The following FGF1 variants were observed in gnomAD, a reference collection of about 807,000 sequenced individuals.
The protein encoded by FGF1 is beta-endothelial cell growth factor.
In FGF1, 9 loss-of-function variants were observed where a neutral mutation model predicts 13.4. The ratio of observed to expected loss-of-function variants is 0.67; its 90% CI spans 0.40 to 1.17. FGF1 has a LOEUF of 1.17. FGF1 is among the 50% of genes most tolerant of loss of function. The pLI, the probability that FGF1 is intolerant of heterozygous loss-of-function variation, is 0.01. For missense variants in FGF1, 156 were observed against 192.7 expected (o/e 0.81, Z 1.13); for synonymous variants, 93 against 79.0 (o/e 1.18, Z -0.94).
chr5:142,597,459 G>C (rs1288803384), intron 3 of FGF1, among the ~76,000 whole-genome samples: 2 of 152,134 alleles, frequency 1.3e-5, no homozygotes, highest in East Asian at 1.9e-4. Flanking sequence ...GTATTAAAGA[G>C]TGCAGTTACT....
At chr5:142,599,612 A>C (rs1756047691) in intron 3 of FGF1, among the ~76,000 whole-genome samples, 1 of 152,204 alleles carries the variant, frequency 6.6e-6, no homozygotes, top group Non-Finnish European at 1.5e-5. Context: ...TAAAATCTAG[A>C]AATAACTTCA....
chr5:142,689,694 G>GT (rs5871823), upstream of FGF1, among the ~76,000 whole-genome samples: 73,554 of 115,114 alleles, frequency 0.64, 24,316 homozygotes, highest in South Asian at 0.74. Context: ...CTCGATCCTA[G>GT]TTTTTTTTTT....
upstream of FGF1, among the ~76,000 whole-genome samples, chr5:142,690,176 C>T (rs2152068026): frequency 6.6e-6 from 1 of 151,484 alleles, no homozygotes; most frequent in South Asian, 2.1e-4. Context: ...AAAAAATTAG[C>T]CGGGCGTGGT....
At position 142,600,799 on chromosome 5, in the gene FGF1, A is replaced by G. The variant is rs1397972024; in HGVS notation, c.176T>C (p.Leu59Pro). 6.2e-7 allele frequency: 1 copy of G among 1,609,208 alleles called. No individual in the cohort carries two copies. The highest frequency in any genetic ancestry group is 1.7e-5 in the Admixed American group (1 of 59,338). The change falls in exon 3 of 4, where the codon CTG becomes CCG. Residue 59 changes from leucine to proline, a missense_variant. Physicochemically the swap from Leu to Pro is moderately conservative, Grantham distance 98. Coordinates refer to ENST00000337706, the MANE Select transcript of FGF1 (RefSeq NM_000800.5). ...CCCCACGCTTTCCGCACTGAGCTGCAGCTGAACTGGAATAAAAATAACACG... is the reference window on the plus strand; with the variant it reads ...CCCCACGCTTTCCGCACTGAGCTGCGGCTGAACTGGAATAAAAATAACACG... ...TRDRSDQHIQ[L>P]QLSAESVGEV...
chr5:142,677,081 C>T (rs546296529), intron 1 of FGF1, among the ~76,000 whole-genome samples: 1 of 152,310 alleles, frequency 6.6e-6, no homozygotes, highest in East Asian at 1.9e-4. Flanking sequence ...ACTTGCTCTG[C>T]GTAGACTCCA....
intron 2 of FGF1, among the ~76,000 whole-genome samples, chr5:142,696,456 C>T (rs748901293): frequency 6.6e-6 from 1 of 152,146 alleles, no homozygotes; most frequent in Non-Finnish European, 1.5e-5. Flanking sequence ...AGGATGGGTA[C>T]AGTACCCACA....
At chr5:142,617,628 G>T (rs4912644) in intron 1 of FGF1, among the ~76,000 whole-genome samples, 1 of 152,014 alleles carries the variant, frequency 6.6e-6, no homozygotes, top group African/African-American at 2.4e-5. Context: ...AAACCCTTCA[G>T]ATCCACAACT....
At chr5:142,682,767 C>T (rs1335712481) in intron 1 of FGF1, among the ~76,000 whole-genome samples, 2 of 152,212 alleles carry the variant, frequency 1.3e-5, no homozygotes, top group East Asian at 3.8e-4. Context: ...ACTCAAGAAG[C>T]TCACTTCTGG....
At chr5:142,691,156 C>T (rs949927455) in intron 2 of FGF1, among the ~76,000 whole-genome samples, 1 of 152,166 alleles carries the variant, frequency 6.6e-6, no homozygotes, top group African/African-American at 2.4e-5. Flanking sequence ...CGTGGTGGCT[C>T]ATGCCTATAA....
intron 2 of FGF1, among the ~76,000 whole-genome samples, chr5:142,605,942 A>G (rs1336921073): frequency 6.6e-6 from 1 of 152,124 alleles, no homozygotes; most frequent in Non-Finnish European, 1.5e-5. Flanking sequence ...GGCCTTGGGA[A>G]GAGAGGGAGG....
intron 1 of FGF1, among the ~76,000 whole-genome samples, chr5:142,673,803 G>A (rs1771946338): frequency 6.6e-6 from 1 of 152,186 alleles, no homozygotes; most frequent in South Asian, 2.1e-4. Flanking sequence ...TCTTCAGCGA[G>A]GGTCTTAAAA....
chr5:142,630,074 A>G lies in FGF1; in HGVS notation c.-34-15913T>C, dbSNP rs188331414. ...ACTCCCAGCTAATTTTTGTATTTTT[A>G]GTAGAGACGGGGTCTCACCATGTTA... On this transcript the variant is annotated intron_variant, in intron 1 of 3. Coordinates refer to ENST00000337706, the MANE Select transcript of FGF1 (RefSeq NM_000800.5). Among the ~76,000 whole-genome samples, 31 of 152,006 alleles carry G rather than the reference A, an allele frequency of 2.0e-4. 1 individual carries two copies. The highest frequency in any genetic ancestry group is 2.0e-3 in the Admixed American group (31 of 15,256).
chr5:142,637,730 T>C (rs1483363065), intron 1 of FGF1, among the ~76,000 whole-genome samples: 2 of 152,080 alleles, frequency 1.3e-5, no homozygotes, highest in East Asian at 1.9e-4. Flanking sequence ...GCACCCTGCC[T>C]TGGACTCACC....
chr5:142,670,248 C>CGT (rs1191277750), intron 1 of FGF1, among the ~76,000 whole-genome samples: 1 of 152,180 alleles, frequency 6.6e-6, no homozygotes, highest in Non-Finnish European at 1.5e-5. Flanking sequence ...CCTTCCACTA[C>CGT]GTCCTTCCAC....
At chr5:142,654,824 T>TGA (rs1270861938) in intron 1 of FGF1, among the ~76,000 whole-genome samples, 8 of 152,120 alleles carry the variant, frequency 5.3e-5, no homozygotes, top group Admixed American at 2.6e-4. Context: ...CACACGGGAC[T>TGA]GAGAGAGAGA....
intron 1 of FGF1, among the ~76,000 whole-genome samples, chr5:142,633,154 C>T (rs1420451748): frequency 2.6e-5 from 4 of 152,082 alleles, no homozygotes; most frequent in Non-Finnish European, 5.9e-5. Context: ...CTCTTGACCT[C>T]GTGATCCACC....
intron 1 of FGF1, among the ~76,000 whole-genome samples, chr5:142,682,912 G>A (rs760106098): frequency 4.6e-5 from 7 of 151,854 alleles, no homozygotes; most frequent in East Asian, 1.9e-4. Flanking sequence ...TTATCTTTCC[G>A]CTGAGTTGGA....
At chr5:142,652,809 G>A (rs900487500) in intron 1 of FGF1, among the ~76,000 whole-genome samples, 4 of 152,238 alleles carry the variant, frequency 2.6e-5, no homozygotes, top group Non-Finnish European at 4.4e-5. Flanking sequence ...GTGTGTCCAC[G>A]CCAGGCCCCG....
intron 1 of FGF1, among the ~76,000 whole-genome samples, chr5:142,677,547 C>A (rs1476608522): frequency 6.6e-6 from 1 of 152,210 alleles, no homozygotes. Context: ...CTGGGAACTG[C>A]AAGAGGCCAG....
Sources: gnomAD v4.1 joint callset for allele counts (sites outside exome capture counted in the v4.1 genomes callset) on GRCh38, gnomAD v4.1.1 for gene constraint, MANE v1.5 for transcripts, NCBI Gene and HGNC (gene_info 2026-07-23, HGNC 2026-07-21) for gene names.